SIK3: variants seen among roughly 807,000 people sequenced by gnomAD.
The protein encoded by SIK3 is SIK family kinase 3.
In SIK3, 28 loss-of-function variants were observed where a neutral mutation model predicts 144.2. That is an observed-to-expected ratio of 0.19 (90% CI 0.14 to 0.27). The LOEUF (loss-of-function observed/expected upper bound fraction) is 0.27. SIK3 is among the 10% of genes least tolerant of loss of function. The pLI, the probability that SIK3 is intolerant of heterozygous loss-of-function variation, is 1.00. For synonymous variants in SIK3, 686 were observed against 676.3 expected, an observed-to-expected ratio of 1.01 and a Z score of -0.22; for missense variants, 1,319 against 1,776.0, an observed-to-expected ratio of 0.74 and a Z score of 4.62.
chr11:116,959,593 C>G (rs1372947613), intron 1 of SIK3, among the ~76,000 whole-genome samples: 1 of 152,120 alleles, frequency 6.6e-6, no homozygotes, highest in Admixed American at 6.5e-5. Flanking sequence ...TTTGTGCATT[C>G]TTTCACCTCC....
intron 1 of SIK3, among the ~76,000 whole-genome samples, chr11:116,969,370 C>T (rs1346603606): frequency 6.6e-6 from 1 of 151,042 alleles, no homozygotes; most frequent in Admixed American, 6.6e-5. Context: ...AACACATCCC[C>T]ACCAAAAAAT....
chr11:116,846,439 T>C lies in SIK3; in HGVS notation c.4067A>G (p.Lys1356Arg). The stretch of plus-strand genomic sequence containing the variant: ...CATGCTGAAGGAGACTTCGGGGTGC[T>C]TGTAGCTGAGCAGAATGTCTGTAAT... Reference protein sequence around the residue: ...TCITDILLSYKHPEVSFSMEQ... With the variant: ...TCITDILLSYRHPEVSFSMEQ... The change falls in exon 24 of 25, where the codon AAG becomes AGG. Residue 1356 changes from lysine (K) to arginine (R), a missense_variant. Physicochemically the swap from Lys to Arg is conservative, Grantham distance 26. Coordinates refer to ENST00000445177, the MANE Select transcript of SIK3 (RefSeq NM_001366686.3). This position sits in a 1 kb window ranked among gnomAD's most constrained non-coding sequence, Gnocchi z 4.1. 6.2e-7 allele frequency: 1 copy of C among 1,614,184 alleles called. No individual in the cohort carries two copies. The highest frequency in any genetic ancestry group is 8.5e-7 in the Non-Finnish European group (1 of 1,180,034).
chr11:117,093,919 T>G (rs1044974973), intron 1 of SIK3, among the ~76,000 whole-genome samples: 2 of 152,162 alleles, frequency 1.3e-5, no homozygotes, highest in Non-Finnish European at 2.9e-5. Context: ...AGGACTATTA[T>G]TATGTCCATA....
Position 116,873,463 on chromosome 11 carries a change from C to A in SIK3, c.1737+18G>T. 6.2e-7 allele frequency: 1 copy of A among 1,614,162 alleles called. No homozygotes were observed. Among genetic ancestry groups the A allele is most frequent in the Non-Finnish European group, 8.5e-7 (1 of 1,180,024 alleles). ...AAAGCCTCTGAGACAGTGAATTGGG[C>A]TCTGTGCTGCTACTCACTGGTGTCA... On this transcript the variant is annotated intron_variant, in intron 13 of 24. Transcript: ENST00000445177.
chr11:116,878,648 G>A (rs1383945099), intron 6 of SIK3, among the ~76,000 whole-genome samples: 1 of 152,178 alleles, frequency 6.6e-6, no homozygotes, highest in Non-Finnish European at 1.5e-5. Context: ...CCAAAGTGCT[G>A]GGATTACAGG....
intron 6 of SIK3, among the ~76,000 whole-genome samples, chr11:116,882,462 G>A (rs1944599922): frequency 6.6e-6 from 1 of 152,190 alleles, no homozygotes; most frequent in Non-Finnish European, 1.5e-5. Context: ...CTATGAAGGA[G>A]GGAAAGCCAT....
intron 1 of SIK3, among the ~76,000 whole-genome samples, chr11:117,020,842 C>T (rs1013124783): frequency 1.3e-5 from 2 of 152,172 alleles, no homozygotes; most frequent in African/African-American, 4.8e-5. Context: ...TTCCTGAGTT[C>T]TGTGAGCCAC....
intron 1 of SIK3, among the ~76,000 whole-genome samples, chr11:117,061,847 T>C (rs1261978075): frequency 2.6e-5 from 4 of 152,034 alleles, no homozygotes; most frequent in Non-Finnish European, 5.9e-5. Context: ...TGATGATACG[T>C]TACAAAAAAA....
At chr11:116,851,685 G>A (rs1248288761) in intron 21 of SIK3, among the ~76,000 whole-genome samples, 1 of 152,262 alleles carries the variant, frequency 6.6e-6, no homozygotes, top group African/African-American at 2.4e-5. Flanking sequence ...AAAGCTAAAA[G>A]CCAGCAGAGA....
intron 12 of SIK3, 25 bp from the exon 13 acceptor site, chr11:116,873,661 C>CGGACCATGAGATGAGGGGAA: frequency 2.6e-6 from 4 of 1,527,242 alleles, no homozygotes; most frequent in Non-Finnish European, 3.5e-6. Flanking sequence ...GTGGGGAGGA[C>CGGACCATGAGATGAGGGGAA]GGACCATGAG....
At chr11:116,956,602 CTTTTT>C (rs1218172883) in intron 2 of SIK3, among the ~76,000 whole-genome samples, 1 of 152,130 alleles carries the variant, frequency 6.6e-6, no homozygotes, top group Non-Finnish European at 1.5e-5. Context: ...AAATTCTCTT[CTTTTT>C]GAGTTTCCCA....
chr11:116,967,810 A>G (rs1157051948), intron 1 of SIK3, among the ~76,000 whole-genome samples: 1 of 152,170 alleles, frequency 6.6e-6, no homozygotes, highest in African/African-American at 2.4e-5. Context: ...AGCAGCCTGG[A>G]GTAAGAAGCC....
At chr11:117,087,752 G>A (rs548526591) in intron 1 of SIK3, among the ~76,000 whole-genome samples, 12 of 152,292 alleles carry the variant, frequency 7.9e-5, no homozygotes, top group African/African-American at 2.4e-4. Context: ...ATTAGGTGCC[G>A]TACAAGCATG....
At chr11:117,046,093 T>C (rs1952950956) in intron 1 of SIK3, among the ~76,000 whole-genome samples, 1 of 152,260 alleles carries the variant, frequency 6.6e-6, no homozygotes, top group Non-Finnish European at 1.5e-5. Context: ...GCACTGTTCC[T>C]ATCCATCTGT....
At chr11:116,904,592 G>A (rs559293925) in intron 4 of SIK3, among the ~76,000 whole-genome samples, 88 of 151,848 alleles carry the variant, frequency 5.8e-4, no homozygotes, top group Non-Finnish European at 1.0e-3. Flanking sequence ...CTCATTTACT[G>A]CTTTTATTTC....
At chr11:116,917,299 G>GT (rs1470741680) in intron 4 of SIK3, among the ~76,000 whole-genome samples, 1 of 152,160 alleles carries the variant, frequency 6.6e-6, no homozygotes, top group Non-Finnish European at 1.5e-5. Context: ...TATAAGAACT[G>GT]TAAGTTTCTA....
intron 1 of SIK3, among the ~76,000 whole-genome samples, chr11:117,016,394 GGGAAGGAAGGAAGGAAGGAAGGAAGGAA>G (rs771165423): frequency 1.7e-5 from 1 of 59,280 alleles, no homozygotes; most frequent in South Asian, 6.4e-4. Context: ...GAGGGAGGGA[GGGAAGGAAGGAAGGAAGGAAGGAAGGAA>G]GGAAGGAAGG....
At chr11:117,079,110 T>C (rs766743515) in intron 1 of SIK3, among the ~76,000 whole-genome samples, 4 of 152,192 alleles carry the variant, frequency 2.6e-5, no homozygotes, top group Non-Finnish European at 5.9e-5. Flanking sequence ...TCCAAAGGTA[T>C]AGCAAAAAGT....
intron 1 of SIK3, among the ~76,000 whole-genome samples, chr11:117,076,222 C>T (rs1366493012): frequency 6.6e-6 from 1 of 152,042 alleles, no homozygotes; most frequent in Non-Finnish European, 1.5e-5. Flanking sequence ...TAAATCAGAA[C>T]ACTTCCTACC....
Sources: allele counts gnomAD v4.1 joint callset (sites outside exome capture counted in the v4.1 genomes callset), GRCh38; gene constraint gnomAD v4.1.1; non-coding constraint Gnocchi (gnomAD v3.1); transcripts MANE v1.5; gene names NCBI Gene and HGNC (gene_info 2026-07-23, HGNC 2026-07-21).